SGCZ: variants seen among roughly 807,000 people sequenced by gnomAD.
SGCZ encodes the protein sarcoglycan zeta.
In SGCZ, 40 loss-of-function variants were observed where a neutral mutation model predicts 41.3. That is an observed-to-expected ratio of 0.97 (90% CI 0.75 to 1.26). The LOEUF is 1.26. Among genes scored for constraint, SGCZ ranks in the 50% most tolerant of loss-of-function variants. The pLI, the probability that SGCZ is intolerant of heterozygous loss-of-function variation, is 0.00. For missense variants in SGCZ, 552 were observed against 369.8 expected (o/e 1.49, Z -4.04); for synonymous variants, 206 against 137.5 (o/e 1.50, Z -3.49).
At chr8:14,333,935 T>G (rs1802422986) in intron 2 of SGCZ, among the ~76,000 whole-genome samples, 1 of 152,292 alleles carries the variant, frequency 6.6e-6, no homozygotes, top group Middle Eastern at 3.4e-3. Flanking sequence ...AGTTGCGTCC[T>G]AATGTGACTT....
chr8:14,982,852 A>G (rs1242111422), intron 1 of SGCZ, among the ~76,000 whole-genome samples: 1 of 152,204 alleles, frequency 6.6e-6, no homozygotes, highest in Non-Finnish European at 1.5e-5. Flanking sequence ...ATAAGCAGCA[A>G]CTGCTACTGA....
intron 1 of SGCZ, among the ~76,000 whole-genome samples, chr8:14,858,616 T>C (rs1418117188): frequency 6.6e-6 from 1 of 152,192 alleles, no homozygotes; most frequent in Non-Finnish European, 1.5e-5. Context: ...TTGCAATGTG[T>C]AATCTGAAAC....
intron 2 of SGCZ, among the ~76,000 whole-genome samples, chr8:14,514,785 G>A (rs1010092036): frequency 0.28 from 1,280 of 4,590 alleles, 21 homozygotes; most frequent in African/African-American, 0.41. Context: ...ATATGTAAAT[G>A]TGTGTGTGTG....
chr8:14,370,917 T>C (rs890974992), intron 2 of SGCZ, among the ~76,000 whole-genome samples: 2 of 152,038 alleles, frequency 1.3e-5, no homozygotes, highest in Non-Finnish European at 2.9e-5. Flanking sequence ...CCACAGAATG[T>C]GGAATTTCAC....
chr8:14,864,540 C>A (rs1181797172), intron 1 of SGCZ, among the ~76,000 whole-genome samples: 1 of 151,820 alleles, frequency 6.6e-6, no homozygotes, highest in Non-Finnish European at 1.5e-5. Context: ...ATCTTGTGTC[C>A]CGGTGACTTG....
intron 2 of SGCZ, among the ~76,000 whole-genome samples, chr8:14,356,360 G>A (rs900857709): frequency 6.6e-6 from 1 of 152,116 alleles, no homozygotes; most frequent in Non-Finnish European, 1.5e-5. Context: ...TCAATGGAGT[G>A]AGCTATTTTA....
At chr8:14,406,497 T>C (rs1485250404) in intron 2 of SGCZ, among the ~76,000 whole-genome samples, 2 of 152,172 alleles carry the variant, frequency 1.3e-5, no homozygotes, top group Admixed American at 6.6e-5. Context: ...AGCTGGAATA[T>C]AGTGGGCACT....
In SGCZ at chr8:15,124,747, A is replaced by G. The variant is rs77360484; in HGVS notation, c.39+112838T>C. ...GGTCTAAATACTGGCAAGAAATGCC[A>G]AAGGGGGAACATAAGATCAAACAAC... is the stretch of plus-strand genomic sequence containing the variant. On this transcript the variant is annotated intron_variant, in intron 1 of 7. Transcript: ENST00000382080. Among the ~76,000 whole-genome samples the G allele has an allele frequency of 9.0e-4, 137 of 152,366 alleles. No homozygotes were observed. The East Asian group carries it at 0.024, about 27-fold the overall frequency.
chr8:14,407,724 T>A (rs1218244751), intron 2 of SGCZ, among the ~76,000 whole-genome samples: 1 of 152,208 alleles, frequency 6.6e-6, no homozygotes, highest in Non-Finnish European at 1.5e-5. Context: ...TCCCATTTGT[T>A]GTGAAAAGAT....
intron 1 of SGCZ, among the ~76,000 whole-genome samples, chr8:14,945,366 G>A (rs1266031415): frequency 6.6e-6 from 1 of 152,036 alleles, no homozygotes; most frequent in African/African-American, 2.4e-5. Flanking sequence ...CCTTGTGTGA[G>A]ATCTATGGTA....
chr8:14,809,595 G>T (rs777974756), intron 1 of SGCZ, among the ~76,000 whole-genome samples: 4 of 152,016 alleles, frequency 2.6e-5, no homozygotes, highest in Non-Finnish European at 5.9e-5. Flanking sequence ...ATTATTTTGA[G>T]GTAGAGCACA....
intron 4 of SGCZ, among the ~76,000 whole-genome samples, chr8:14,231,209 GA>G (rs1321174310): frequency 1.5e-5 from 2 of 137,908 alleles, no homozygotes; most frequent in East Asian, 2.2e-4. Context: ...TGGGGAGAGA[GA>G]GGGGGAAAGA....
intron 2 of SGCZ, among the ~76,000 whole-genome samples, chr8:14,526,353 T>C (rs891532832): frequency 1.3e-5 from 2 of 152,144 alleles, no homozygotes; most frequent in African/African-American, 4.8e-5. Flanking sequence ...TCAGAGTTCT[T>C]TTCTATTTGA....
At chr8:14,643,807 T>C (rs1419843400) in intron 1 of SGCZ, among the ~76,000 whole-genome samples, 1 of 151,672 alleles carries the variant, frequency 6.6e-6, no homozygotes, top group African/African-American at 2.4e-5. Flanking sequence ...AAATTGAAGG[T>C]TGCCTCTATC....
At chr8:14,784,831 G>A (rs1250181456) in intron 1 of SGCZ, among the ~76,000 whole-genome samples, 3 of 146,426 alleles carry the variant, frequency 2.0e-5, no homozygotes, top group African/African-American at 5.1e-5. Context: ...GAACCTGGGA[G>A]GCAGAGGTTG....
intron 3 of SGCZ, among the ~76,000 whole-genome samples, chr8:14,308,529 AGAG>A (rs1801419417): frequency 6.6e-6 from 1 of 152,014 alleles, no homozygotes; most frequent in South Asian, 2.1e-4. Flanking sequence ...TCGTGCCATT[AGAG>A]AAGAAAGACC....
chr8:14,383,904 T>C (rs1053492186), intron 2 of SGCZ, among the ~76,000 whole-genome samples: 1 of 148,208 alleles, frequency 6.7e-6, no homozygotes, highest in African/African-American at 2.6e-5. Context: ...AGTAACACGC[T>C]CCAAATTTGT....
At chr8:15,097,916 G>GTATATATA (rs60363368) in intron 1 of SGCZ, among the ~76,000 whole-genome samples, 7 of 79,990 alleles carry the variant, frequency 8.8e-5, no homozygotes, top group Admixed American at 1.5e-4. Flanking sequence ...ATATACGTGT[G>GTATATATA]TATATATATA....
intron 1 of SGCZ, among the ~76,000 whole-genome samples, chr8:14,809,348 A>G (rs1474447514): frequency 2.0e-5 from 3 of 152,194 alleles, no homozygotes; most frequent in African/African-American, 7.2e-5. Flanking sequence ...TGATGAAATG[A>G]AAAACTTTGT....
Sources: gnomAD v4.1 joint callset for allele counts (sites outside exome capture counted in the v4.1 genomes callset) on GRCh38, gnomAD v4.1.1 for gene constraint, MANE v1.5 for transcripts, NCBI Gene and HGNC (gene_info 2026-07-23, HGNC 2026-07-21) for gene names.